Variants in CEACAM5 observed in about 807,000 individuals in gnomAD.
The protein encoded by CEACAM5 is cell adhesion molecule CEACAM5.
In CEACAM5, 52 loss-of-function variants were observed where a neutral mutation model predicts 63.0. That is an observed-to-expected ratio of 0.83 (90% confidence interval 0.66 to 1.04). The LOEUF is 1.04. Ranked by LOEUF, CEACAM5 falls within the 50% of genes least tolerant of loss-of-function variation. The pLI is 0.00. For missense variants in CEACAM5, 790 were observed against 864.8 expected (o/e 0.91, Z 1.08); for synonymous variants, 357 against 351.3 (o/e 1.02, Z -0.18).
chr19:41,728,701 C>T (rs2072731851), intron 9 of CEACAM5, among the ~76,000 whole-genome samples: 1 of 148,608 alleles, frequency 6.7e-6, no homozygotes, highest in Admixed American at 6.8e-5. Flanking sequence ...GCAGGAGAAT[C>T]GCTTGAACCC....
At chr19:41,711,690 A>G (rs1568700603) in intron 2 of CEACAM5, among the ~76,000 whole-genome samples, 1 of 152,092 alleles carries the variant, frequency 6.6e-6, no homozygotes, top group East Asian at 1.9e-4. Flanking sequence ...TATACCCCGC[A>G]TGGCTCATTG....
At position 41,718,265 on chromosome 19, in the gene CEACAM5, A is replaced by G; in HGVS notation, c.1375A>G (p.Thr459Ala). 1 of 1,614,176 alleles carries G rather than the reference A, an allele frequency of 6.2e-7. No individual in the cohort carries two copies. Among genetic ancestry groups the G allele is most frequent in the Non-Finnish European group, 8.5e-7 (1 of 1,180,038 alleles). The change falls in exon 6 of 10, where the codon ACA becomes GCA. Residue 459 changes from threonine to alanine, a missense_variant. Transcript: ENST00000221992. Reference sequence around the variant, plus strand: ...GATTGATGGGAACATCCAGCAACACACACAAGAGCTCTTTATCTCCAACAT... The same window carrying G: ...GATTGATGGGAACATCCAGCAACACGCACAAGAGCTCTTTATCTCCAACAT... ...WLIDGNIQQH[T>A]QELFISNITE...
chr19:41,717,382 C>T, intron 4 of CEACAM5, 73 bp from the exon 5 acceptor site: 2 of 1,532,006 alleles, frequency 1.3e-6, no homozygotes, highest in Non-Finnish European at 1.8e-6. Flanking sequence ...GAGATGCCAA[C>T]TCTGATTGAT....
intron 3 of CEACAM5, 81 bp from the exon 4 acceptor site, chr19:41,715,569 G>T: frequency 6.5e-7 from 1 of 1,543,748 alleles, no homozygotes; most frequent in Non-Finnish European, 8.9e-7. Context: ...AGCTTAGAGG[G>T]ACACTGTGGT....
At chr19:41,727,874 C>T (rs1555817344) in intron 9 of CEACAM5, among the ~76,000 whole-genome samples, 1 of 151,986 alleles carries the variant, frequency 6.6e-6, no homozygotes, top group Non-Finnish European at 1.5e-5. Flanking sequence ...TATATAATTC[C>T]ATCATCCTAA....
At chr19:41,711,908 C>T (rs1324055304) in intron 2 of CEACAM5, among the ~76,000 whole-genome samples, 1 of 151,708 alleles carries the variant, frequency 6.6e-6, no homozygotes, top group African/African-American at 2.4e-5. Context: ...GCACAGAAAT[C>T]ACAGGCAATA....
chr19:41,717,589 G>A lies in CEACAM5; in HGVS notation c.1093G>A (p.Val365Ile). The change falls in exon 5 of 10, where the codon GTC (valine) becomes ATC (isoleucine). Residue 365 changes from valine (V) to isoleucine (I), a missense_variant. Coordinates refer to ENST00000221992, the MANE Select transcript of CEACAM5 (RefSeq NM_004363.6). ...GTGGGTAAATAATCAGAGCCTCCCG[G>A]TCAGTCCCAGGCTGCAGCTGTCCAA... is the stretch of plus-strand genomic sequence containing the variant. ...LWWVNNQSLPVSPRLQLSNDN... is the reference protein window; with the variant it reads ...LWWVNNQSLPISPRLQLSNDN... The A allele has an allele frequency of 1.9e-6, 3 of 1,614,172 alleles. No individual in the cohort carries two copies. Among genetic ancestry groups the A allele is most frequent in the Non-Finnish European group, 2.5e-6 (3 of 1,180,030 alleles).
At chr19:41,721,585 A>G (rs532252859) in intron 8 of CEACAM5, among the ~76,000 whole-genome samples, 11 of 152,338 alleles carry the variant, frequency 7.2e-5, no homozygotes, top group African/African-American at 2.6e-4. Flanking sequence ...ACCAGCCCAC[A>G]CTTTTTCCCC....
intron 7 of CEACAM5, 63 bp from the exon 8 acceptor site, chr19:41,720,859 A>G: frequency 6.3e-7 from 1 of 1,589,858 alleles, no homozygotes; most frequent in Non-Finnish European, 8.6e-7. Flanking sequence ...TGGCCCTTCT[A>G]CAATCAGGAG....
chr19:41,718,229 T>A lies in CEACAM5; in HGVS notation c.1339T>A (p.Tyr447Asn). Residue 447 changes from tyrosine to asparagine, a missense_variant, in exon 6 of 10, where the codon TAT (tyrosine) becomes AAT (asparagine). Tyr to Asn is a moderately radical substitution (Grantham distance 143). Transcript: ENST00000221992. ...CHAASNPPAQ[Y>N]SWLIDGNIQQ... ...TGCAGCCTCTAACCCACCTGCACAG[T>A]ATTCTTGGCTGATTGATGGGAACAT... 1 of 1,614,182 alleles carries A rather than the reference T, an allele frequency of 6.2e-7. No homozygotes were observed. Among genetic ancestry groups the A allele is most frequent in the Non-Finnish European group, 8.5e-7 (1 of 1,180,032 alleles).
chr19:41,726,068 CTGTT>C (rs1384472740), intron 8 of CEACAM5, among the ~76,000 whole-genome samples: 1 of 152,284 alleles, frequency 6.6e-6, no homozygotes, highest in Non-Finnish European at 1.5e-5. Flanking sequence ...ATAAGAATGA[CTGTT>C]TAACAGTATT....
intron 2 of CEACAM5, among the ~76,000 whole-genome samples, chr19:41,714,737 C>T (rs533111634): frequency 6.6e-6 from 1 of 152,292 alleles, no homozygotes; most frequent in South Asian, 2.1e-4. Flanking sequence ...CAGCCCAATG[C>T]TGCTGCTTAA....
intron 8 of CEACAM5, 31 bp from the exon 9 acceptor site, chr19:41,727,202 CT>C: frequency 2.0e-6 from 3 of 1,533,574 alleles, no homozygotes; most frequent in Non-Finnish European, 2.7e-6. Flanking sequence ...ACATTCATTC[CT>C]TCTCTTTTCT....
intron 8 of CEACAM5, among the ~76,000 whole-genome samples, chr19:41,722,317 T>C (rs1485484787): frequency 3.3e-5 from 5 of 149,298 alleles, no homozygotes; most frequent in Non-Finnish European, 5.9e-5. Context: ...TGAGCCGAGA[T>C]TGAGCCACTG....
chr19:41,708,679 C>G lies in CEACAM5; in HGVS notation c.-53C>G. On this transcript the variant is annotated 5_prime_UTR_variant, in exon 1 of 10. Transcript: ENST00000221992. ...GTCACAGCAGCCTTGACAAAACGTT[C>G]CTGGAACTCAAGCTCTTCTCCACAG... is the stretch of plus-strand genomic sequence containing the variant. The G allele has an allele frequency of 2.6e-6, 4 of 1,536,598 alleles. No individual in the cohort carries two copies. Among genetic ancestry groups the G allele is most frequent in the Non-Finnish European group, 3.6e-6 (4 of 1,119,378 alleles).
intron 8 of CEACAM5, among the ~76,000 whole-genome samples, chr19:41,725,759 T>G (rs1345461417): frequency 3.3e-5 from 5 of 152,236 alleles, no homozygotes; most frequent in African/African-American, 1.2e-4. Flanking sequence ...TGATCTTTTT[T>G]GAAGAACCAA....
chr19:41,710,232 C>T, intron 2 of CEACAM5, 193 bp downstream of exon 2: 1 of 923,422 alleles, frequency 1.1e-6, no homozygotes, highest in Non-Finnish European at 1.6e-6. Flanking sequence ...CATCCAGACC[C>T]TGCAGACACT....
In CEACAM5 at chr19:41,717,588, G is replaced by C. The variant is rs149933160; in HGVS notation, c.1092G>C (p.Pro364=). ...GGTGGGTAAATAATCAGAGCCTCCC[G>C]GTCAGTCCCAGGCTGCAGCTGTCCA... is the stretch of plus-strand genomic sequence containing the variant. The part of the protein sequence containing the change: ...YLWWVNNQSL[P]VSPRLQLSND... The change falls in exon 5 of 10, where the codon CCG becomes CCC. Residue 364 remains proline, a synonymous_variant. Coordinates refer to ENST00000221992, the MANE Select transcript of CEACAM5 (RefSeq NM_004363.6). 6.2e-7 allele frequency: 1 copy of C among 1,614,018 alleles called. No homozygotes were observed. Among genetic ancestry groups the C allele is most frequent in the African/African-American group, 1.3e-5 (1 of 74,914 alleles).
intron 8 of CEACAM5, among the ~76,000 whole-genome samples, chr19:41,724,369 T>C (rs182421432): frequency 6.6e-6 from 1 of 152,372 alleles, no homozygotes; most frequent in East Asian, 1.9e-4. Context: ...TTGATTACTG[T>C]GGCTTTATAG....
Sources: allele counts gnomAD v4.1 joint callset (sites outside exome capture counted in the v4.1 genomes callset), GRCh38; gene constraint gnomAD v4.1.1; transcripts MANE v1.5; gene names NCBI Gene and HGNC (gene_info 2026-07-23, HGNC 2026-07-21).